BMERB1: variants seen among roughly 807,000 people sequenced by gnomAD.
BMERB1 encodes bMERB domain containing 1, also known as bMERB domain-containing protein 1.
Under a neutral mutation model 23.6 loss-of-function variants are expected in BMERB1, and 12 were observed. The observed-to-expected ratio is 0.51, with a 90% confidence interval of 0.33 to 0.82. The LOEUF (loss-of-function observed/expected upper bound fraction) is 0.82. Ranked by LOEUF, BMERB1 falls within the 40% of genes least tolerant of loss-of-function variation. The probability of loss-of-function intolerance (pLI) is 0.03; values close to 1 mark genes in which losing one functional copy is unlikely to be tolerated. For synonymous variants in BMERB1, 122 were observed against 96.6 expected (o/e 1.26, Z -1.54); for missense variants, 247 against 255.4 (o/e 0.97, Z 0.22).
chr16:15,514,250 A>G (rs2051716215), intron 1 of BMERB1, among the ~76,000 whole-genome samples: 1 of 152,218 alleles, frequency 6.6e-6, no homozygotes, highest in Non-Finnish European at 1.5e-5. Flanking sequence ...CTTGGATGAC[A>G]GAGTGAGGCC....
At chr16:15,567,891 CCTT>C in intron 2 of BMERB1, 89 bp from the exon 3 acceptor site, 1 of 1,216,934 alleles carries the variant, frequency 8.2e-7, no homozygotes. Flanking sequence ...AGATAACCCA[CCTT>C]TAATAGCTTC....
intron 2 of BMERB1, among the ~76,000 whole-genome samples, chr16:15,537,651 G>A (rs2052038270): frequency 6.7e-6 from 1 of 149,616 alleles, no homozygotes; most frequent in African/African-American, 2.5e-5. Context: ...ACCATGCCCG[G>A]CCGAGAAATA....
chr16:15,475,136 TA>T (rs2051264349), intron 1 of BMERB1, among the ~76,000 whole-genome samples: 1 of 152,148 alleles, frequency 6.6e-6, no homozygotes, highest in Non-Finnish European at 1.5e-5. Flanking sequence ...TGCTTCCTGG[TA>T]GGGGGTGTAC....
At chr16:15,586,180 A>G (rs375266878) in intron 5 of BMERB1, among the ~76,000 whole-genome samples, 3 of 152,180 alleles carry the variant, frequency 2.0e-5, no homozygotes, top group Non-Finnish European at 2.9e-5. Context: ...ATGCAGCACA[A>G]AGAGAAAAAG....
At chr16:15,466,675 C>T (rs939517926) in intron 1 of BMERB1, among the ~76,000 whole-genome samples, 8 of 151,942 alleles carry the variant, frequency 5.3e-5, no homozygotes, top group African/African-American at 1.9e-4. Flanking sequence ...GACATTGATA[C>T]AATCCATTCA....
intron 1 of BMERB1, among the ~76,000 whole-genome samples, chr16:15,506,343 T>C (rs1484233858): frequency 6.6e-6 from 1 of 151,766 alleles, no homozygotes; most frequent in East Asian, 1.9e-4. Context: ...GCCCGGCTAA[T>C]TTTTTGTATT....
chr16:15,450,974 G>T (rs1399423971), intron 1 of BMERB1, among the ~76,000 whole-genome samples: 3 of 152,116 alleles, frequency 2.0e-5, no homozygotes, highest in Non-Finnish European at 4.4e-5. Flanking sequence ...CAAGAGACAG[G>T]ATTATTGCAA....
At chr16:15,577,409 A>G (rs868425183) in intron 3 of BMERB1, among the ~76,000 whole-genome samples, 1 of 152,232 alleles carries the variant, frequency 6.6e-6, no homozygotes, top group Non-Finnish European at 1.5e-5. Flanking sequence ...TAGCAAATCC[A>G]TACGAGTCTG....
At chr16:15,542,455 C>T (rs2052095904) in intron 2 of BMERB1, among the ~76,000 whole-genome samples, 2 of 151,984 alleles carry the variant, frequency 1.3e-5, no homozygotes, top group Non-Finnish European at 1.5e-5. Flanking sequence ...GCCTGAGTGC[C>T]CTCATTAGCA....
intron 1 of BMERB1, among the ~76,000 whole-genome samples, chr16:15,463,079 T>TC (rs2051149635): frequency 7.0e-6 from 1 of 142,560 alleles, no homozygotes; most frequent in East Asian, 2.0e-4. Flanking sequence ...GATAAATTTC[T>TC]TTTTTTTTTT....
intron 2 of BMERB1, among the ~76,000 whole-genome samples, chr16:15,517,913 G>GTGTGTGTGAGGA (rs903405771): frequency 2.7e-5 from 4 of 148,158 alleles, no homozygotes; most frequent in Non-Finnish European, 6.0e-5. Flanking sequence ...GTGTGTGTAT[G>GTGTGTGTGAGGA]TGTGTGTGAG....
intron 1 of BMERB1, among the ~76,000 whole-genome samples, chr16:15,507,317 T>A (rs1027563793): frequency 2.6e-5 from 4 of 152,216 alleles, no homozygotes; most frequent in Admixed American, 1.3e-4. Flanking sequence ...TGATTAAACC[T>A]GCTGGTGCAT....
In BMERB1 at chr16:15,588,112, G is replaced by A. The variant is rs1048270267; in HGVS notation, c.*1283G>A. The stretch of plus-strand genomic sequence containing the variant: ...CTAGAGACCACTCTGATGTTTCGAC[G>A]TTTTAAAAAAGTCTTTTTTTGTGCA... On this transcript the variant is annotated 3_prime_UTR_variant, in exon 6 of 6. Coordinates refer to ENST00000300006, the MANE Select transcript of BMERB1 (RefSeq NM_033201.3). The A allele has an allele frequency of 4.6e-5, 7 of 150,650 alleles. No homozygotes were observed. Among genetic ancestry groups the A allele is most frequent in the African/African-American group, 1.5e-4 (6 of 40,996 alleles). The allele number at this position is 150,650 out of a possible 1,614,324, so 9.3% of individuals were successfully genotyped here.
At chr16:15,468,162 T>TTTTTTTTTTTCC (rs57267276) in intron 1 of BMERB1, among the ~76,000 whole-genome samples, 1 of 64,532 alleles carries the variant, frequency 1.5e-5, no homozygotes, top group African/African-American at 5.0e-5. Flanking sequence ...TTTTTTTTTT[T>TTTTTTTTTTTCC]TGAGGCAGGG....
chr16:15,464,351 G>T (rs1413745566), intron 1 of BMERB1, among the ~76,000 whole-genome samples: 1 of 149,464 alleles, frequency 6.7e-6, no homozygotes, highest in Non-Finnish European at 1.5e-5. Context: ...AAGAATGTCA[G>T]GTATGGTGGC....
intron 2 of BMERB1, among the ~76,000 whole-genome samples, chr16:15,520,792 A>G (rs946883728): frequency 6.6e-6 from 1 of 152,014 alleles, no homozygotes; most frequent in African/African-American, 2.4e-5. Context: ...CGGCCCATAG[A>G]TACTCTTTTG....
intron 2 of BMERB1, among the ~76,000 whole-genome samples, chr16:15,550,601 G>C (rs906582546): frequency 1.3e-5 from 2 of 151,598 alleles, no homozygotes; most frequent in Admixed American, 1.3e-4. Context: ...GCCTCCCAAA[G>C]TGCTGGGATT....
At chr16:15,497,063 A>G (rs577572295) in intron 1 of BMERB1, among the ~76,000 whole-genome samples, 1 of 152,322 alleles carries the variant, frequency 6.6e-6, no homozygotes, top group African/African-American at 2.4e-5. Flanking sequence ...TAGAGCCCCA[A>G]GAAGGACAGG....
At chr16:15,495,525 C>G (rs1441811922) in intron 1 of BMERB1, among the ~76,000 whole-genome samples, 1 of 152,202 alleles carries the variant, frequency 6.6e-6, no homozygotes, top group Non-Finnish European at 1.5e-5. Context: ...GCCACCACGC[C>G]TGGCTAATTT....
Sources: allele counts gnomAD v4.1 joint callset (sites outside exome capture counted in the v4.1 genomes callset), GRCh38; gene constraint gnomAD v4.1.1; transcripts MANE v1.5; gene names NCBI Gene and HGNC (gene_info 2026-07-23, HGNC 2026-07-21).